The following COL4A6 variants were observed in gnomAD, a reference collection of about 807,000 sequenced individuals.
COL4A6 encodes the protein collagen alpha-6(IV) chain.
COL4A6 carries 59 observed loss-of-function variants against 126.7 expected under a neutral mutation model. The ratio of observed to expected loss-of-function variants is 0.47; its 90% confidence interval spans 0.38 to 0.58. COL4A6 has a LOEUF of 0.58. COL4A6 is among the 20% of genes least tolerant of loss of function. The pLI is 0.00. For synonymous variants in COL4A6, 547 were observed against 496.6 expected, an observed-to-expected ratio of 1.10 and a Z score of -1.35; for missense variants, 1,285 against 1,337.3, an observed-to-expected ratio of 0.96 and a Z score of 0.61.
In COL4A6 at chrX:108,296,891, G is replaced by T. The variant is rs149043156; in HGVS notation, c.144+13857C>A. Among the ~76,000 whole-genome samples the T allele has an allele frequency of 3.1e-3, 343 of 111,939 alleles. 1 individual carries two copies. Among genetic ancestry groups the T allele is most frequent in the African/African-American group, 0.011 (335 of 30,798 alleles). On this transcript the variant is annotated intron_variant, in intron 3 of 44. Coordinates refer to ENST00000334504, the MANE Select transcript of COL4A6 (RefSeq NM_033641.4). ...TAATCAAAGGAATAGTATCCTGGAA[G>T]TCAAGCAAAGAAAGTTTTTCAAAAA...
chrX:108,275,402 A>G (rs1022639595), intron 3 of COL4A6, among the ~76,000 whole-genome samples: 10 of 112,099 alleles, frequency 8.9e-5, no homozygotes, highest in Non-Finnish European at 1.9e-4. Flanking sequence ...GTGTTTTCCT[A>G]TCTGTATGGC....
intron 2 of COL4A6, among the ~76,000 whole-genome samples, chrX:108,417,029 A>T (rs185846088): frequency 1.8e-5 from 2 of 112,494 alleles, no homozygotes; most frequent in Non-Finnish European, 3.8e-5. Flanking sequence ...TTCTTATTTC[A>T]TTGTGTTCCT....
At chrX:108,370,111 A>C (rs1281003147) in intron 2 of COL4A6, among the ~76,000 whole-genome samples, 1 of 112,332 alleles carries the variant, frequency 8.9e-6, no homozygotes, top group African/African-American at 3.2e-5. Flanking sequence ...CAAAGCAGCC[A>C]TGTTTCAGGG....
At chrX:108,322,391 C>T (rs1461138922) in intron 2 of COL4A6, among the ~76,000 whole-genome samples, 2 of 111,974 alleles carry the variant, frequency 1.8e-5, no homozygotes, top group African/African-American at 3.3e-5. Flanking sequence ...AAGGAAGAAG[C>T]TGACACCAGA....
chrX:108,179,792 T>A (rs951151284), intron 25 of COL4A6, among the ~76,000 whole-genome samples: 38 of 107,191 alleles, frequency 3.5e-4, no homozygotes, highest in African/African-American at 1.3e-3. Context: ...CTCCTTCTTC[T>A]TGGGTGGGGA....
chrX:108,272,567 G>T (rs767078227), intron 3 of COL4A6, among the ~76,000 whole-genome samples: 1 of 111,596 alleles, frequency 9.0e-6, no homozygotes, highest in African/African-American at 3.3e-5. Flanking sequence ...TGAGATGAGT[G>T]GAAATTTAAT....
At chrX:108,320,646 G>A (rs898784884) in intron 2 of COL4A6, among the ~76,000 whole-genome samples, 1 of 111,674 alleles carries the variant, frequency 9.0e-6, no homozygotes, top group Admixed American at 9.5e-5. Flanking sequence ...CTGTAAAGAC[G>A]TTAGCTCTGT....
chrX:108,205,651 T>C lies in COL4A6; in HGVS notation c.645+9A>G. 1 of 1,206,563 alleles carries C rather than the reference T, an allele frequency of 8.3e-7. No homozygotes were observed. The highest frequency in any genetic ancestry group is 1.1e-6 in the Non-Finnish European group (1 of 892,708). On this transcript the variant is annotated intron_variant, in intron 10 of 44. Coordinates refer to ENST00000334504, the MANE Select transcript of COL4A6 (RefSeq NM_033641.4). ...GGAAGCAAAATGCCCTAAGACAAAG[T>C]ATACTTACATCAGGACCAAGAGGAC...
intron 8 of COL4A6, among the ~76,000 whole-genome samples, chrX:108,209,730 A>G (rs959201542): frequency 1.8e-5 from 2 of 112,414 alleles, no homozygotes; most frequent in African/African-American, 6.5e-5. Flanking sequence ...ATCCCAGTGA[A>G]TACATGTCTC....
intron 3 of COL4A6, among the ~76,000 whole-genome samples, chrX:108,229,060 C>T (rs1015625314): frequency 8.9e-6 from 1 of 112,012 alleles, no homozygotes; most frequent in Admixed American, 9.4e-5. Flanking sequence ...AAGCCTGGGT[C>T]TGGCTGGAGC....
At chrX:108,408,382 AAAGC>A (rs1569459101) in intron 2 of COL4A6, among the ~76,000 whole-genome samples, 44 of 111,064 alleles carry the variant, frequency 4.0e-4, no homozygotes, top group East Asian at 2.3e-3. Flanking sequence ...AGAAAGAAAG[AAAGC>A]AAGCTAAGTA....
At chrX:108,414,300 T>C (rs1442561336) in intron 2 of COL4A6, among the ~76,000 whole-genome samples, 1 of 111,347 alleles carries the variant, frequency 9.0e-6, no homozygotes, top group African/African-American at 3.3e-5. Context: ...TCTACATAAG[T>C]GTTGAGGAAG....
chrX:108,222,129 A>G (rs1341922495), intron 3 of COL4A6, among the ~76,000 whole-genome samples: 5 of 112,587 alleles, frequency 4.4e-5, no homozygotes, highest in Admixed American at 9.4e-5. Flanking sequence ...CTGCTTATAA[A>G]ATGTCTGTAA....
intron 3 of COL4A6, chrX:108,269,000 T>A: frequency 3.2e-6 from 1 of 309,657 alleles, no homozygotes; most frequent in South Asian, 2.9e-5. Context: ...TGTCTTCCAG[T>A]CTTCCATAGA....
At chrX:108,206,645 G>T in intron 8 of COL4A6, 65 bp from the exon 9 acceptor site, 1 of 910,469 alleles carries the variant, frequency 1.1e-6, no homozygotes, top group Non-Finnish European at 1.6e-6. Context: ...ATGAAAATAT[G>T]TATGTCCACG....
intron 37 of COL4A6, 37 bp from the exon 38 acceptor site, chrX:108,165,523 G>T (rs756129000): frequency 1.0e-6 from 1 of 977,303 alleles, no homozygotes; most frequent in Non-Finnish European, 1.4e-6. Flanking sequence ...GATAGGCTCT[G>T]TGTGCCCAGA....
chrX:108,432,111 A>G (rs182112155), intron 2 of COL4A6, among the ~76,000 whole-genome samples: 4 of 112,442 alleles, frequency 3.6e-5, no homozygotes, highest in African/African-American at 1.3e-4. Flanking sequence ...TTTGTTGTTC[A>G]TCAAGGTATT....
intron 13 of COL4A6, among the ~76,000 whole-genome samples, chrX:108,197,813 G>A (rs2035268316): frequency 9.8e-6 from 1 of 102,236 alleles, no homozygotes; most frequent in Admixed American, 1.1e-4. Flanking sequence ...GTGTGTGTAG[G>A]ATCCAATTCA....
chrX:108,235,249 C>T (rs2036404753), intron 3 of COL4A6, among the ~76,000 whole-genome samples: 2 of 111,499 alleles, frequency 1.8e-5, no homozygotes, highest in South Asian at 7.7e-4. Context: ...GGGCTCCAGA[C>T]TGGAGAGAGA....
Sources: gnomAD v4.1 joint callset for allele counts (sites outside exome capture counted in the v4.1 genomes callset) on GRCh38, gnomAD v4.1.1 for gene constraint, MANE v1.5 for transcripts, NCBI Gene and HGNC (gene_info 2026-07-23, HGNC 2026-07-21) for gene names.